EVC2: variants seen among roughly 807,000 people sequenced by gnomAD.
EVC2 encodes EvC ciliary complex subunit 2, also known as limbin.
Under a neutral mutation model 149.3 loss-of-function variants are expected in EVC2, and 148 were observed. The observed-to-expected ratio is 0.99, with a 90% confidence interval of 0.87 to 1.14. The LOEUF is 1.14. Ranked by LOEUF, EVC2 falls within the 50% of genes most tolerant of loss-of-function variation. The probability of loss-of-function intolerance (pLI) is 0.00; values close to 1 mark genes in which losing one functional copy is unlikely to be tolerated. For missense variants in EVC2, 1,854 were observed against 1,627.3 expected (o/e 1.14, Z -2.40); for synonymous variants, 776 against 649.9 (o/e 1.19, Z -2.95).
At chr4:5,611,654 T>C (rs920147446) in intron 16 of EVC2, among the ~76,000 whole-genome samples, 2 of 151,886 alleles carry the variant, frequency 1.3e-5, no homozygotes, top group African/African-American at 4.8e-5. Flanking sequence ...TGAAAATGTC[T>C]AAATAAAACA....
chr4:5,687,151 G>A (rs1720773910), intron 5 of EVC2, among the ~76,000 whole-genome samples: 1 of 152,166 alleles, frequency 6.6e-6, no homozygotes, highest in South Asian at 2.1e-4. Flanking sequence ...CAGCTACTTG[G>A]GAGGCTGAGG....
chr4:5,650,628 T>TAG (rs1239090686), intron 9 of EVC2, among the ~76,000 whole-genome samples: 46 of 77,344 alleles, frequency 5.9e-4, no homozygotes, highest in African/African-American at 1.1e-3. Context: ...TATATATATA[T>TAG]ATATATATAT....
At chr4:5,656,908 G>A (rs1718556695) in intron 9 of EVC2, among the ~76,000 whole-genome samples, 1 of 152,180 alleles carries the variant, frequency 6.6e-6, no homozygotes, top group African/African-American at 2.4e-5. Flanking sequence ...AAGCTCTCCA[G>A]GCCAGCTCTG....
chr4:5,655,945 A>C (rs1718495066), intron 9 of EVC2, among the ~76,000 whole-genome samples: 1 of 152,232 alleles, frequency 6.6e-6, no homozygotes, highest in African/African-American at 2.4e-5. Context: ...GTTCAATTCC[A>C]GAACTATTTC....
chr4:5,681,159 C>G (rs1023826628), intron 7 of EVC2, 101 bp downstream of exon 7: 1 of 1,375,506 alleles, frequency 7.3e-7, no homozygotes, highest in East Asian at 2.3e-5. Flanking sequence ...ACTGGGGGAC[C>G]AAGGCCAGCA....
chr4:5,603,625 C>T (rs1209081996), intron 16 of EVC2, among the ~76,000 whole-genome samples: 1 of 152,194 alleles, frequency 6.6e-6, no homozygotes, highest in Non-Finnish European at 1.5e-5. Context: ...TGCACCGTCG[C>T]TGGCAATCAG....
At chr4:5,607,750 C>A (rs1714505922) in intron 16 of EVC2, among the ~76,000 whole-genome samples, 1 of 152,044 alleles carries the variant, frequency 6.6e-6, no homozygotes, top group Non-Finnish European at 1.5e-5. Context: ...AAGCAGAATG[C>A]AAACTTCCAA....
At chr4:5,581,660 T>C (rs912675219) in intron 17 of EVC2, among the ~76,000 whole-genome samples, 2 of 152,142 alleles carry the variant, frequency 1.3e-5, no homozygotes, top group African/African-American at 4.8e-5. Context: ...GACCTTATAT[T>C]TAAAAGGGAA....
chr4:5,536,697 T>C, the EVC2 span, among the ~76,000 whole-genome samples: 14 of 151,532 alleles, frequency 9.2e-5, no homozygotes, highest in Non-Finnish European at 2.1e-4. Flanking sequence ...GGCAGGAGAA[T>C]GGCGTGAACC....
chr4:5,618,798 A>G lies in EVC2; in HGVS notation c.2502-116T>C. ...TCATATCCATGTCTGCAGAAAAAGC[A>G]CTGGCTCCTTAATCATGCATTCCTG... is the stretch of plus-strand genomic sequence containing the variant. On this transcript the variant is annotated intron_variant, in intron 14 of 21. Transcript: ENST00000344408. The surrounding 1 kb of genome is among the most constrained non-coding windows in gnomAD (Gnocchi z 4.4). 1.0e-6 allele frequency: 1 copy of G among 988,046 alleles called. No individual in the cohort carries two copies. Among genetic ancestry groups the G allele is most frequent in the Non-Finnish European group, 1.6e-6 (1 of 639,606 alleles). The allele number at this position is 988,046 out of a possible 1,614,324, so 61.2% of individuals were successfully genotyped here.
At chr4:5,649,041 T>C (rs1441695273) in intron 9 of EVC2, among the ~76,000 whole-genome samples, 3 of 152,198 alleles carry the variant, frequency 2.0e-5, no homozygotes, top group African/African-American at 7.2e-5. Flanking sequence ...CAGACAACAA[T>C]GAAATACACG....
At chr4:5,597,070 A>T (rs565298225) in intron 16 of EVC2, among the ~76,000 whole-genome samples, 129 of 152,342 alleles carry the variant, frequency 8.5e-4, no homozygotes, top group African/African-American at 3.0e-3. Context: ...TGTGGCAATA[A>T]TCAATAGCTT....
At chr4:5,547,524 C>T (rs551601847) in intron 21 of EVC2, among the ~76,000 whole-genome samples, 1 of 152,162 alleles carries the variant, frequency 6.6e-6, no homozygotes, top group Admixed American at 6.5e-5. Context: ...CCATTCATGG[C>T]CATCCATGGA....
rs760470898 is a variant in EVC2 at position 5,618,515 on chromosome 4, A to T, written c.2669T>A (p.Val890Glu). 5.0e-6 allele frequency: 8 copies of T among 1,613,798 alleles called. No homozygotes were observed. Among genetic ancestry groups the T allele is most frequent in the Non-Finnish European group, 6.8e-6 (8 of 1,180,026 alleles). ...GGCAGCCACGGCCTGGTCCAGCTTC[A>T]CGAACTCTGCTTCTCGCCACGCAGT... Reference protein sequence around the residue: ...FQTAWREAEFVKLDQAVAAPE... With the variant: ...FQTAWREAEFEKLDQAVAAPE... The change falls in exon 15 of 22, where the codon GTG becomes GAG. Residue 890 changes from valine to glutamate, a missense_variant. Transcript: ENST00000344408. This position sits in a 1 kb window ranked among gnomAD's most constrained non-coding sequence, Gnocchi z 4.4.
intron 21 of EVC2, among the ~76,000 whole-genome samples, chr4:5,554,435 G>C (rs1316956657): frequency 6.6e-6 from 1 of 152,218 alleles, no homozygotes; most frequent in African/African-American, 2.4e-5. Flanking sequence ...GTCTTAGGGA[G>C]TCCCTCACAC....
chr4:5,649,714 T>G (rs542394627), intron 9 of EVC2, among the ~76,000 whole-genome samples: 1 of 152,274 alleles, frequency 6.6e-6, no homozygotes, highest in Non-Finnish European at 1.5e-5. Context: ...TCTGGCATCT[T>G]CAAGGTAGCA....
In EVC2 at chr4:5,562,518, G is replaced by C; in HGVS notation, c.*330C>G. 8.4e-7 allele frequency: 1 copy of C among 1,190,126 alleles called. No individual in the cohort carries two copies. The highest frequency in any genetic ancestry group is 4.5e-5 in the East Asian group (1 of 22,336). The allele number at this position is 1,190,126 out of a possible 1,614,324, so 73.7% of individuals were successfully genotyped here. A position where few individuals can be genotyped will look rare whatever the true frequency, so the allele number is the denominator to read the frequency against. ...AACAAATACAAAACATAAGAGTAGA[G>C]AATCTGGCTGTCACCACACAGACCA... On this transcript the variant is annotated 3_prime_UTR_variant, in exon 22 of 22. Transcript: ENST00000344408. The surrounding 1 kb of genome is among the most constrained non-coding windows in gnomAD (Gnocchi z 4.3).
rs143243089 is a variant in EVC2, at chr4:5,699,573, T to C, written c.229-1926A>G. On this transcript the variant is annotated intron_variant, in intron 1 of 21. Transcript: ENST00000344408. The stretch of plus-strand genomic sequence containing the variant: ...TCAATGGATGAATGGATAAGCTAAA[T>C]GCGGTCCATCCATAAAATGGAATAT... Among the ~76,000 whole-genome samples, 140 of 145,258 alleles carry C rather than the reference T, an allele frequency of 9.6e-4. 3 individuals are homozygous for C. The East Asian group carries it at 0.019, about 19-fold the overall frequency.
At chr4:5,635,524 T>G (rs1716837218) in intron 10 of EVC2, among the ~76,000 whole-genome samples, 1 of 152,104 alleles carries the variant, frequency 6.6e-6, no homozygotes, top group Non-Finnish European at 1.5e-5. Context: ...GATACAGAAG[T>G]TCCAGTGTGA....
Sources: allele counts gnomAD v4.1 joint callset (sites outside exome capture counted in the v4.1 genomes callset), GRCh38; gene constraint gnomAD v4.1.1; non-coding constraint Gnocchi (gnomAD v3.1); transcripts MANE v1.5; gene names NCBI Gene and HGNC (gene_info 2026-07-23, HGNC 2026-07-21).